The following MARCHF7 variants were observed in gnomAD, a reference collection of about 807,000 sequenced individuals.
MARCHF7 encodes the protein membrane associated ring-CH-type finger 7.
Under a neutral mutation model 76.5 loss-of-function variants are expected in MARCHF7, and 20 were observed. That is an observed-to-expected ratio of 0.26 (90% CI 0.18 to 0.38). MARCHF7 has a LOEUF of 0.38. MARCHF7 is among the 10% of genes least tolerant of loss of function. The pLI, the probability that MARCHF7 is intolerant of heterozygous loss-of-function variation, is 1.00. For missense variants in MARCHF7, 797 were observed against 812.9 expected (o/e 0.98, Z 0.24); for synonymous variants, 295 against 293.0 (o/e 1.01, Z -0.07).
intron 8 of MARCHF7, among the ~76,000 whole-genome samples, chr2:159,753,937 A>C (rs1054423989): frequency 6.6e-6 from 1 of 152,196 alleles, no homozygotes; most frequent in Non-Finnish European, 1.5e-5. Context: ...TTTTGCCTTG[A>C]GCAGTTAAGT....
At chr2:159,732,265 C>T (rs1402777424) in intron 4 of MARCHF7, among the ~76,000 whole-genome samples, 1 of 152,210 alleles carries the variant, frequency 6.6e-6, no homozygotes, top group African/African-American at 2.4e-5. Flanking sequence ...TCAAAAATTA[C>T]TTGCAAACAT....
rs931425289 is a variant in MARCHF7, at chr2:159,748,869, A to G, written c.1579A>G (p.Arg527Gly). ...KSDKTKSAPS[R>G]DPERLQKIKE... The stretch of plus-strand genomic sequence containing the variant: ...TGATAAAACTAAAAGTGCGCCTTCA[A>G]GAGATCCAGAAAGATTGCAGAAAAT... The change falls in exon 7 of 12, where the codon AGA (arginine) becomes GGA (glycine). Residue 527 changes from arginine (R) to glycine (G), a missense_variant. By Grantham distance (125) the Arg-to-Gly change is moderately radical. Transcript: ENST00000409175. 6 of 1,612,118 alleles carry G rather than the reference A, an allele frequency of 3.7e-6. No individual in the cohort carries two copies. In the African/African-American group the frequency reaches 5.3e-5, roughly 14 times the overall value.
chr2:159,740,106 A>C (rs1269843800), intron 4 of MARCHF7, among the ~76,000 whole-genome samples: 3 of 152,130 alleles, frequency 2.0e-5, no homozygotes, highest in African/African-American at 7.2e-5. Context: ...ATCTTTTATA[A>C]TTGCCCTCTA....
chr2:159,764,905 T>G (rs1458038836), intron 11 of MARCHF7, among the ~76,000 whole-genome samples: 1 of 151,930 alleles, frequency 6.6e-6, no homozygotes, highest in Non-Finnish European at 1.5e-5. Context: ...ATTTTACTTT[T>G]TTTTTTCAAA....
At chr2:159,723,902 A>G (rs924186987) in intron 3 of MARCHF7, among the ~76,000 whole-genome samples, 2 of 152,028 alleles carry the variant, frequency 1.3e-5, no homozygotes, top group African/African-American at 4.8e-5. Flanking sequence ...TTTTCTTACA[A>G]CTTCTGCTAC....
chr2:159,758,577 G>A (rs1294095411), intron 8 of MARCHF7, among the ~76,000 whole-genome samples: 3 of 152,132 alleles, frequency 2.0e-5, no homozygotes, highest in Non-Finnish European at 4.4e-5. Flanking sequence ...GATATTTTAT[G>A]TAAGTAGAAT....
intron 5 of MARCHF7, 97 bp from the exon 6 acceptor site, chr2:159,745,673 A>G: frequency 1.3e-6 from 1 of 775,412 alleles, no homozygotes. Context: ...AATAATAATA[A>G]TAAATAACAC....
chr2:159,732,848 G>T (rs1702980437), intron 4 of MARCHF7: 2 of 985,056 alleles, frequency 2.0e-6, no homozygotes, highest in Non-Finnish European at 2.4e-6. Flanking sequence ...TTATTTATCT[G>T]TATTTTCTTC....
intron 10 of MARCHF7, among the ~76,000 whole-genome samples, chr2:159,764,212 T>TTGTGTGTGTGTG (rs377705664): frequency 1.1e-3 from 150 of 138,628 alleles, no homozygotes; most frequent in African/African-American, 3.4e-3. Flanking sequence ...CTTGGGAGTT[T>TTGTGTGTGTGTG]TGTGTGTGTG....
At chr2:159,733,743 A>G (rs1248796032) in intron 4 of MARCHF7, 2 of 985,424 alleles carry the variant, frequency 2.0e-6, no homozygotes, top group Non-Finnish European at 2.4e-6. Context: ...ATTTTATAGA[A>G]CATTTTTTAC....
At chr2:159,723,580 T>A (rs1701858079) in intron 3 of MARCHF7, among the ~76,000 whole-genome samples, 1 of 152,234 alleles carries the variant, frequency 6.6e-6, no homozygotes, top group Non-Finnish European at 1.5e-5. Context: ...ACTTTCATTT[T>A]TCTAAACAGT....
In MARCHF7 at chr2:159,748,744, G is replaced by A. The variant is rs778411794; in HGVS notation, c.1454G>A (p.Arg485Gln). 3.8e-5 allele frequency: 61 copies of A among 1,614,008 alleles called. No homozygotes were observed. Among genetic ancestry groups the A allele is most frequent in the Middle Eastern group, 3.3e-4 (2 of 6,084 alleles). ...ISGILPGSLF[R>Q]FAVPPALGSN... The stretch of plus-strand genomic sequence containing the variant: ...GGGATTCTTCCTGGTTCCTTATTCC[G>A]GTTTGCAGTCCCTCCAGCACTTGGG... The change falls in exon 7 of 12, where the codon CGG (arginine) becomes CAG (glutamine). Residue 485 changes from arginine to glutamine, a missense_variant. By Grantham distance (43) the Arg-to-Gln change is conservative. Coordinates refer to ENST00000409175, the MANE Select transcript of MARCHF7 (RefSeq NM_001282805.2).
intron 4 of MARCHF7, chr2:159,733,920 A>C: frequency 8.2e-7 from 1 of 1,221,784 alleles, no homozygotes; most frequent in Non-Finnish European, 1.0e-6. Context: ...GTAGATTCTA[A>C]GTTCCGAACA....
At chr2:159,726,781 A>G (rs1702223518) in intron 3 of MARCHF7, among the ~76,000 whole-genome samples, 1 of 152,194 alleles carries the variant, frequency 6.6e-6, no homozygotes, top group African/African-American at 2.4e-5. Flanking sequence ...CCAAAATTTC[A>G]TACTCATTAA....
At chr2:159,724,779 C>T (rs1288081286) in intron 3 of MARCHF7, among the ~76,000 whole-genome samples, 3 of 152,068 alleles carry the variant, frequency 2.0e-5, no homozygotes, top group African/African-American at 4.8e-5. Context: ...GTGTGCTGCA[C>T]CCATTAACTC....
At chr2:159,730,688 CAT>C (rs1702680349) in intron 4 of MARCHF7, among the ~76,000 whole-genome samples, 1 of 152,076 alleles carries the variant, frequency 6.6e-6, no homozygotes, top group Non-Finnish European at 1.5e-5. Context: ...GTCATGGTGA[CAT>C]ATAAAGGGCA....
chr2:159,740,690 C>G (rs1431938451), intron 4 of MARCHF7, among the ~76,000 whole-genome samples: 1 of 152,166 alleles, frequency 6.6e-6, no homozygotes, highest in Non-Finnish European at 1.5e-5. Context: ...GCTTGTGAGA[C>G]TAAGTTTGTG....
In MARCHF7 at chr2:159,737,409, A is replaced by G. The variant is rs550140178; in HGVS notation, c.154-5652A>G. ...AGATATATTAATGGCTGATAAGCAC[A>G]TGAAAAAATATTAGTCATTAGGGAA... On this transcript the variant is annotated intron_variant, in intron 4 of 11. Coordinates refer to ENST00000409175, the MANE Select transcript of MARCHF7 (RefSeq NM_001282805.2). 4.6e-5 allele frequency among the ~76,000 whole-genome samples: 7 copies of G among 152,340 alleles called. No homozygotes were observed. The South Asian group carries it at 1.4e-3, about 32-fold the overall frequency.
intron 4 of MARCHF7, among the ~76,000 whole-genome samples, chr2:159,731,948 C>CA (rs1289769987): frequency 7.0e-6 from 1 of 143,634 alleles, no homozygotes; most frequent in Non-Finnish European, 1.5e-5. Flanking sequence ...ACTAAAATTA[C>CA]AAAAAATTAG....
Sources: allele counts gnomAD v4.1 joint callset (sites outside exome capture counted in the v4.1 genomes callset), GRCh38; gene constraint gnomAD v4.1.1; transcripts MANE v1.5; gene names NCBI Gene and HGNC (gene_info 2026-07-23, HGNC 2026-07-21).